The following CHD9 variants were observed in gnomAD, a reference collection of about 807,000 sequenced individuals.
CHD9 encodes chromodomain helicase DNA binding protein 9, also known as ATP-dependent chromatin remodeler CHD9.
A neutral mutation model predicts 316.1 loss-of-function variants in CHD9; 77 were observed. The ratio of observed to expected loss-of-function variants is 0.24; its 90% CI spans 0.20 to 0.29. The LOEUF (loss-of-function observed/expected upper bound fraction) is 0.29, where lower values mean the gene tolerates loss of function less well. Among genes scored for constraint, CHD9 ranks in the 10% least tolerant of loss-of-function variants. The pLI is 1.00. For synonymous variants in CHD9, 1,129 were observed against 1,158.3 expected (o/e 0.97, Z 0.51); for missense variants, 2,763 against 3,438.1 (o/e 0.80, Z 4.91).
At position 53,208,478 on chromosome 16, in the gene CHD9, GCTGTTTCCT is replaced by G. The variant is rs1414624959; in HGVS notation, c.1453-1002_1453-994del. 2.6e-6 allele frequency: 3 copies of G among 1,156,326 alleles called. 1 individual carries two copies. In the African/African-American group the frequency reaches 4.9e-5, roughly 19 times the overall value. The allele number at this position is 1,156,326 out of a possible 1,614,324, so 71.6% of individuals were successfully genotyped here. On this transcript the variant is annotated intron_variant, in intron 2 of 38. Transcript: ENST00000447540. ...ACTGCATCGCCATCTTGAGCTTGTT[GCTGTTTCCT>G]CGAGTCTTGGTTATTTGTTATAGCC...
intron 2 of CHD9, among the ~76,000 whole-genome samples, chr16:53,158,465 T>C (rs2041677809): frequency 6.6e-6 from 1 of 152,120 alleles, no homozygotes; most frequent in South Asian, 2.1e-4. Flanking sequence ...TGGTTTAGAA[T>C]TGTGGGTCCT....
Position 53,147,649 on chromosome 16 carries a change from G to T in CHD9, c.-164-8277G>T, listed in dbSNP as rs2040739334. On this transcript the variant is annotated intron_variant, in intron 1 of 38. Transcript: ENST00000447540. ...GCCTGCTAATATCTCTGAACATAGT[G>T]TTCTCAGGGTTCATCCATGTTGTGG... Among the ~76,000 whole-genome samples, 3 of 152,136 alleles carry T rather than the reference G, an allele frequency of 2.0e-5. No homozygotes were observed. In the South Asian group the frequency reaches 6.2e-4, roughly 32 times the overall value.
chr16:53,172,745 G>A (rs982488024), intron 2 of CHD9, among the ~76,000 whole-genome samples: 1 of 151,934 alleles, frequency 6.6e-6, no homozygotes, highest in African/African-American at 2.4e-5. Flanking sequence ...ATCTGATTGT[G>A]GTTTTAATTT....
chr16:53,183,652 G>T (rs762646988), intron 2 of CHD9, among the ~76,000 whole-genome samples: 3 of 152,132 alleles, frequency 2.0e-5, no homozygotes, highest in Non-Finnish European at 2.9e-5. Context: ...AGTGACTCAT[G>T]CCTTTAATCC....
intron 2 of CHD9, among the ~76,000 whole-genome samples, chr16:53,191,017 A>G (rs1220393173): frequency 6.6e-6 from 1 of 152,114 alleles, no homozygotes; most frequent in Non-Finnish European, 1.5e-5. Flanking sequence ...ACAAATATAT[A>G]CAATTAGGTA....
At chr16:53,248,842 A>AT (rs2049898804) in intron 16 of CHD9, among the ~76,000 whole-genome samples, 1 of 151,892 alleles carries the variant, frequency 6.6e-6, no homozygotes, top group Non-Finnish European at 1.5e-5. Context: ...AATTCAATAG[A>AT]TTTTAACCCA....
intron 1 of CHD9, chr16:53,099,328 G>C (rs576692269): frequency 6.6e-6 from 1 of 152,460 alleles, no homozygotes; most frequent in East Asian, 1.9e-4. Flanking sequence ...TTCTAATGGG[G>C]ATGGCCACCT....
intron 2 of CHD9, among the ~76,000 whole-genome samples, chr16:53,168,210 T>C (rs2042412710): frequency 6.6e-6 from 1 of 151,994 alleles, no homozygotes; most frequent in Admixed American, 6.6e-5. Flanking sequence ...TACAGGCGCC[T>C]GCCATCATGC....
At chr16:53,231,622 G>T (rs745746837) in intron 9 of CHD9, 25 bp from the exon 10 acceptor site, 2 of 1,515,404 alleles carry the variant, frequency 1.3e-6, no homozygotes, top group South Asian at 1.2e-5. Flanking sequence ...TTTTCAAAAT[G>T]GTAAATGAAA....
At chr16:53,129,822 A>C (rs1320458047) in intron 1 of CHD9, among the ~76,000 whole-genome samples, 5 of 152,204 alleles carry the variant, frequency 3.3e-5, no homozygotes, top group Non-Finnish European at 7.3e-5. Flanking sequence ...ACCTGAAAGG[A>C]GGAGACCCTT....
chr16:53,307,418 T>G (rs1290953689), intron 32 of CHD9, among the ~76,000 whole-genome samples: 2 of 151,498 alleles, frequency 1.3e-5, no homozygotes, highest in Non-Finnish European at 2.9e-5. Flanking sequence ...CCTACCACCT[T>G]GGCCTCCCAA....
chr16:53,156,046 C>T lies in CHD9; in HGVS notation c.-44C>T. On this transcript the variant is annotated 5_prime_UTR_variant, in exon 2 of 39. Coordinates refer to ENST00000447540, the MANE Select transcript of CHD9 (RefSeq NM_001308319.2). ...ATCTACTATAGAGAAGCTGAATATACTCCATTTGGAGTGAACAGCCCGGAT... is the reference window on the plus strand; with the variant it reads ...ATCTACTATAGAGAAGCTGAATATATTCCATTTGGAGTGAACAGCCCGGAT... The T allele has an allele frequency of 6.4e-7, 1 of 1,561,428 alleles. No individual in the cohort carries two copies. The highest frequency in any genetic ancestry group is 8.7e-7 in the Non-Finnish European group (1 of 1,154,756).
At chr16:53,099,626 A>T (rs1024895022) in intron 1 of CHD9, among the ~76,000 whole-genome samples, 1 of 152,116 alleles carries the variant, frequency 6.6e-6, no homozygotes, top group African/African-American at 2.4e-5. Context: ...AGACAGAGGC[A>T]ACCTGACCTC....
rs538527788 is a variant in CHD9, at chr16:53,305,402, C to T, written c.6619+777C>T. ...ATATATACAAATGTTCTTAGGAAAG[C>T]ACTATTGGGAAGAAAACTAGTTACT... On this transcript the variant is annotated intron_variant, in intron 31 of 38. Transcript: ENST00000447540. Among the ~76,000 whole-genome samples, 5 of 152,282 alleles carry T rather than the reference C, an allele frequency of 3.3e-5. No individual in the cohort carries two copies. In the East Asian group the frequency reaches 7.7e-4, roughly 24 times the overall value.
At chr16:53,296,199 T>G (rs1247338637) in intron 29 of CHD9, among the ~76,000 whole-genome samples, 2 of 152,180 alleles carry the variant, frequency 1.3e-5, no homozygotes, top group Non-Finnish European at 2.9e-5. Context: ...ACTTTTGGTT[T>G]CTTTAACTCA....
chr16:53,321,715 A>G, intron 38 of CHD9, 85 bp downstream of exon 38: 1 of 763,466 alleles, frequency 1.3e-6, no homozygotes, highest in Non-Finnish European at 1.9e-6. Context: ...ATAATTAATA[A>G]AATATTCCAT....
chr16:53,213,204 A>G (rs1246448902), intron 3 of CHD9, among the ~76,000 whole-genome samples: 1 of 152,216 alleles, frequency 6.6e-6, no homozygotes, highest in Non-Finnish European at 1.5e-5. Context: ...AGCATTTAGG[A>G]TAGATACAGT....
At chr16:53,209,259 ATAT>A (rs1416864629) in intron 2 of CHD9, among the ~76,000 whole-genome samples, 5 of 152,320 alleles carry the variant, frequency 3.3e-5, no homozygotes, top group Admixed American at 2.0e-4. Context: ...CAATGAATCT[ATAT>A]TATTCTTCTT....
At chr16:53,271,321 C>T (rs1423092979) in intron 22 of CHD9, among the ~76,000 whole-genome samples, 1 of 152,106 alleles carries the variant, frequency 6.6e-6, no homozygotes, top group Admixed American at 6.5e-5. Flanking sequence ...GTAATCCCAA[C>T]ACTTTGGGAA....
Sources: gnomAD v4.1 joint callset for allele counts (sites outside exome capture counted in the v4.1 genomes callset) on GRCh38, gnomAD v4.1.1 for gene constraint, MANE v1.5 for transcripts, NCBI Gene and HGNC (gene_info 2026-07-23, HGNC 2026-07-21) for gene names.